The following KCNH1 variants were observed in gnomAD, a reference collection of about 807,000 sequenced individuals.
KCNH1 encodes the protein voltage-gated delayed rectifier potassium channel KCNH1.
KCNH1 carries 27 observed loss-of-function variants against 69.2 expected under a neutral mutation model. That is an observed-to-expected ratio of 0.39 (90% confidence interval 0.29 to 0.54). The LOEUF is 0.54. Among genes scored for constraint, KCNH1 ranks in the 20% least tolerant of loss-of-function variants. KCNH1 has a pLI of 0.68. For missense variants in KCNH1, 798 were observed against 1,261.6 expected, an observed-to-expected ratio of 0.63 and a Z score of 5.57; for synonymous variants, 456 against 487.7, an observed-to-expected ratio of 0.93 and a Z score of 0.86.
chr1:211,031,465 C>T (rs1374220984), intron 5 of KCNH1, among the ~76,000 whole-genome samples: 2 of 152,104 alleles, frequency 1.3e-5, no homozygotes, highest in East Asian at 3.9e-4. Context: ...GACCAATATC[C>T]CTGATGAACA....
At chr1:211,123,985 TG>T in intron 1 of KCNH1, among the ~76,000 whole-genome samples, 1 of 152,180 alleles carries the variant, frequency 6.6e-6, no homozygotes, top group Admixed American at 6.5e-5. Context: ...GGCCACTCAA[TG>T]AAGTCAGGCT....
chr1:211,134,044 C>T lies in KCNH1; in HGVS notation c.-99G>A. 9.9e-7 allele frequency: 1 copy of T among 1,005,222 alleles called. No homozygotes were observed. Among genetic ancestry groups the T allele is most frequent in the South Asian group, 1.4e-5 (1 of 69,324 alleles). 62.3% of individuals were successfully genotyped at this position (1,005,222 alleles called of 1,614,324 possible). On this transcript the variant is annotated 5_prime_UTR_variant, in exon 1 of 11. Transcript: ENST00000271751. The surrounding 1 kb of genome is among the most constrained non-coding windows in gnomAD (Gnocchi z 5.7). ...CCGCACGCAGTCCCGGCTCGAAGCG[C>T]CCCATGCGCCCGGCGGGGATCCGCA... is the stretch of plus-strand genomic sequence containing the variant.
chr1:211,034,527 G>C (rs1408631511), intron 5 of KCNH1, among the ~76,000 whole-genome samples: 1 of 152,098 alleles, frequency 6.6e-6, no homozygotes, highest in Admixed American at 6.6e-5. Flanking sequence ...CCAATATCCA[G>C]GTTGTGATAT....
chr1:210,711,447 G>A (rs1682073133), intron 10 of KCNH1, among the ~76,000 whole-genome samples: 1 of 152,162 alleles, frequency 6.6e-6, no homozygotes, highest in Admixed American at 6.5e-5. Flanking sequence ...ATGGAATCTG[G>A]CTCATTTCTC....
At chr1:211,111,533 G>A (rs1320970075) in intron 1 of KCNH1, among the ~76,000 whole-genome samples, 1 of 149,346 alleles carries the variant, frequency 6.7e-6, no homozygotes, top group African/African-American at 2.5e-5. Context: ...TAAGTGAGGA[G>A]CACCTCTGCC....
At chr1:210,800,871 A>G (rs1358014810) in intron 8 of KCNH1, among the ~76,000 whole-genome samples, 1 of 152,228 alleles carries the variant, frequency 6.6e-6, no homozygotes, top group African/African-American at 2.4e-5. Flanking sequence ...CGTTAGGATC[A>G]GGTAGAACTG....
intron 7 of KCNH1, among the ~76,000 whole-genome samples, chr1:210,887,306 G>A (rs1686635139): frequency 1.3e-5 from 2 of 152,032 alleles, no homozygotes; most frequent in African/African-American, 4.8e-5. Context: ...AGCTTCATAA[G>A]CAAAGGAGAA....
intron 7 of KCNH1, among the ~76,000 whole-genome samples, chr1:210,821,137 G>A (rs1483148838): frequency 1.3e-5 from 2 of 152,118 alleles, no homozygotes; most frequent in Non-Finnish European, 2.9e-5. Flanking sequence ...AGAGTGCTTT[G>A]AACCTCACCT....
At chr1:211,058,050 T>G (rs1204480253) in intron 5 of KCNH1, among the ~76,000 whole-genome samples, 1 of 152,160 alleles carries the variant, frequency 6.6e-6, no homozygotes, top group Non-Finnish European at 1.5e-5. Context: ...CAGGAGAGAC[T>G]GTCACAACAT....
intron 5 of KCNH1, among the ~76,000 whole-genome samples, chr1:211,050,260 TAAAA>T (rs747498526): frequency 8.7e-4 from 51 of 58,560 alleles, no homozygotes; most frequent in Admixed American, 2.4e-3. Context: ...CACACATTCT[TAAAA>T]AAAAAAAAAA....
At chr1:210,864,613 A>T (rs114652753) in intron 7 of KCNH1, among the ~76,000 whole-genome samples, 2,839 of 152,274 alleles carry the variant, frequency 0.019, 91 homozygotes, top group African/African-American at 0.064. Flanking sequence ...GGAGGGAGTG[A>T]GACACTTGGA....
chr1:210,823,902 A>G (rs1403250823), intron 7 of KCNH1, among the ~76,000 whole-genome samples: 1 of 152,072 alleles, frequency 6.6e-6, no homozygotes, highest in Non-Finnish European at 1.5e-5. Context: ...CATTCACTGA[A>G]GCCCATCTGA....
chr1:210,936,668 C>T (rs1195177137), intron 6 of KCNH1, among the ~76,000 whole-genome samples: 1 of 152,204 alleles, frequency 6.6e-6, no homozygotes, highest in Non-Finnish European at 1.5e-5. Context: ...CCCTCCCTTA[C>T]AGCCCCTGAA....
rs1219555892 is a variant in KCNH1 at position 210,716,204 on chromosome 1, C to T, written c.2113-32066G>A. ...ATCCCAGCACTTTGGGAGGCTGAGG[C>T]GGGTGGATCACGAGGTCAGAAGATC... On this transcript the variant is annotated intron_variant, in intron 10 of 10. Coordinates refer to ENST00000271751, the MANE Select transcript of KCNH1 (RefSeq NM_172362.3). 1.1e-4 allele frequency among the ~76,000 whole-genome samples: 17 copies of T among 152,044 alleles called. 1 individual carries two copies. Among genetic ancestry groups the T allele is most frequent in the South Asian group, 2.1e-4 (1 of 4,812 alleles).
At chr1:211,049,506 T>C (rs2102439270) in intron 5 of KCNH1, among the ~76,000 whole-genome samples, 1 of 152,236 alleles carries the variant, frequency 6.6e-6, no homozygotes, top group African/African-American at 2.4e-5. Context: ...TGTCATTGTG[T>C]TTTGGGGGAC....
chr1:211,017,244 G>A (rs1689509101), intron 6 of KCNH1, among the ~76,000 whole-genome samples: 1 of 152,158 alleles, frequency 6.6e-6, no homozygotes, highest in Non-Finnish European at 1.5e-5. Flanking sequence ...AGAAAAGGCT[G>A]CTGTCCCACC....
intron 5 of KCNH1, among the ~76,000 whole-genome samples, chr1:211,071,292 C>G (rs1368441897): frequency 6.6e-6 from 1 of 152,038 alleles, no homozygotes; most frequent in Non-Finnish European, 1.5e-5. Context: ...GTATGGGTCC[C>G]CCAGTGTTAT....
intron 10 of KCNH1, among the ~76,000 whole-genome samples, chr1:210,727,374 AT>A (rs1558442869): frequency 6.6e-6 from 1 of 152,106 alleles, no homozygotes; most frequent in Non-Finnish European, 1.5e-5. Context: ...ATATATACAT[AT>A]TTTGATAGCG....
intron 6 of KCNH1, among the ~76,000 whole-genome samples, chr1:210,952,404 G>A (rs1002137326): frequency 3.9e-5 from 6 of 152,148 alleles, no homozygotes; most frequent in Admixed American, 1.3e-4. Flanking sequence ...GATTTATGGA[G>A]TCCTTACTAT....
Sources: gnomAD v4.1 joint callset for allele counts (sites outside exome capture counted in the v4.1 genomes callset) on GRCh38, gnomAD v4.1.1 for gene constraint, Gnocchi (gnomAD v3.1) non-coding constraint, MANE v1.5 for transcripts, NCBI Gene and HGNC (gene_info 2026-07-23, HGNC 2026-07-21) for gene names.